ITPKA: variants seen among roughly 807,000 people sequenced by gnomAD.
ITPKA encodes IP3 3-kinase A.
A neutral mutation model predicts 40.7 loss-of-function variants in ITPKA; 16 were observed. The observed-to-expected ratio is 0.39, with a 90% CI of 0.27 to 0.60. ITPKA has a LOEUF of 0.60. Ranked by LOEUF, ITPKA falls within the 20% of genes least tolerant of loss-of-function variation. The pLI is 0.50. For missense variants in ITPKA, 540 were observed against 649.3 expected (o/e 0.83, Z 1.83); for synonymous variants, 313 against 289.9 (o/e 1.08, Z -0.81).
intron 1 of ITPKA, chr15:41,501,154 G>A (rs1446374953): frequency 2.3e-5 from 4 of 176,228 alleles, no homozygotes; most frequent in Non-Finnish European, 4.4e-5. Flanking sequence ...CCTCGACAGA[G>A]CATTTTCGTA....
chr15:41,500,640 A>G (rs567387787), intron 1 of ITPKA, among the ~76,000 whole-genome samples: 2 of 152,238 alleles, frequency 1.3e-5, no homozygotes, highest in East Asian at 1.9e-4. Context: ...TCCTCATTTT[A>G]TAGATCTTTT....
rs2051056692 is a variant in ITPKA, at chr15:41,494,553, G to T, written c.489+137G>T. The T allele has an allele frequency of 1.8e-6, 1 of 565,682 alleles. No individual in the cohort carries two copies. Among genetic ancestry groups the T allele is most frequent in the Non-Finnish European group, 2.8e-6 (1 of 356,598 alleles). The allele number at this position is 565,682 out of a possible 1,614,324, so 35.0% of individuals were successfully genotyped here. On this transcript the variant is annotated intron_variant, in intron 1 of 6. Transcript: ENST00000260386. The surrounding 1 kb of genome is among the most constrained non-coding windows in gnomAD (Gnocchi z 7.8). ...TGTTCTCGCGGTTTAGGAGGAATCT[G>T]GGGGTCAGAGGGAGGCGCCTGGCCG...
At position 41,502,769 on chromosome 15, in the gene ITPKA, C is replaced by T; in HGVS notation, c.1111-19C>T. The T allele has an allele frequency of 6.3e-7, 1 of 1,590,364 alleles. No individual in the cohort carries two copies. On this transcript the variant is annotated intron_variant, in intron 5 of 6. Coordinates refer to ENST00000260386, the MANE Select transcript of ITPKA (RefSeq NM_002220.3). ...GCGTTTAGTTAATTTGCCCTCCTCT[C>T]CCACCCCACCCTCTGCAGAGGCGGT...
At chr15:41,501,924 A>G in intron 3 of ITPKA, 73 bp downstream of exon 3, 1 of 1,582,564 alleles carries the variant, frequency 6.3e-7, no homozygotes, top group Non-Finnish European at 8.6e-7. Context: ...CTTGAGGGGG[A>G]CCCGGGGCGA....
chr15:41,501,430 C>T, intron 1 of ITPKA, 33 bp from the exon 2 acceptor site: 5 of 1,582,482 alleles, frequency 3.2e-6, no homozygotes, highest in Non-Finnish European at 4.3e-6. Flanking sequence ...TGCCGAGACG[C>T]CGATTATCAG....
chr15:41,498,156 A>AAAG (rs2051087028), intron 1 of ITPKA, among the ~76,000 whole-genome samples: 1 of 151,904 alleles, frequency 6.6e-6, no homozygotes, highest in African/African-American at 2.4e-5. Flanking sequence ...AATACAAAAA[A>AAAG]TCAACCAGGC....
chr15:41,502,118 G>A lies in ITPKA; in HGVS notation c.925G>A (p.Ala309Thr), dbSNP rs1318995469. ...APTEEEHAQR[A>T]VTKPRYMQWR... ...CACGGAGGAGGAGCACGCGCAGCGCGCCGTCACCAAGCCGCGCTACATGCA... is the reference window on the plus strand; with the variant it reads ...CACGGAGGAGGAGCACGCGCAGCGCACCGTCACCAAGCCGCGCTACATGCA... Residue 309 changes from alanine to threonine, a missense_variant, in exon 4 of 7, where the codon GCC (alanine) becomes ACC (threonine). Transcript: ENST00000260386. 6.2e-7 allele frequency: 1 copy of A among 1,610,956 alleles called. No individual in the cohort carries two copies. The highest frequency in any genetic ancestry group is 8.5e-7 in the Non-Finnish European group (1 of 1,179,164).
At position 41,502,384 on chromosome 15, in the gene ITPKA, C is replaced by T; in HGVS notation, c.1009-18C>T. 1 of 1,568,144 alleles carries T rather than the reference C, an allele frequency of 6.4e-7. No individual in the cohort carries two copies. Among genetic ancestry groups the T allele is most frequent in the Non-Finnish European group, 8.8e-7 (1 of 1,140,072 alleles). On this transcript the variant is annotated intron_variant, in intron 4 of 6. Coordinates refer to ENST00000260386, the MANE Select transcript of ITPKA (RefSeq NM_002220.3). ...ACTGGCGGGCCCGGGGCCCCTGACA[C>T]TCCTGTCCCACATCCAGAAAGCGGA...
intron 1 of ITPKA, among the ~76,000 whole-genome samples, chr15:41,495,428 G>C (rs997655480): frequency 2.6e-5 from 4 of 152,208 alleles, no homozygotes; most frequent in African/African-American, 4.8e-5. Context: ...GTGGCCGCGC[G>C]CCTGCTCCGC....
chr15:41,501,105 G>A (rs1357315171), intron 1 of ITPKA, among the ~76,000 whole-genome samples: 1 of 150,974 alleles, frequency 6.6e-6, no homozygotes, highest in Non-Finnish European at 1.5e-5. Context: ...TAACAAGGGT[G>A]ACCATCAGGT....
intron 1 of ITPKA, 21 bp from the exon 2 acceptor site, chr15:41,501,442 C>A: frequency 6.3e-7 from 1 of 1,595,966 alleles, no homozygotes; most frequent in East Asian, 2.3e-5. Context: ...GATTATCAGA[C>A]CTTGACCCTG....
At chr15:41,498,919 C>T (rs2051091802) in intron 1 of ITPKA, among the ~76,000 whole-genome samples, 1 of 152,170 alleles carries the variant, frequency 6.6e-6, no homozygotes, top group African/African-American at 2.4e-5. Context: ...GGGCTGATAG[C>T]TTCAGCCAGA....
At chr15:41,497,740 C>T (rs768070641) in intron 1 of ITPKA, among the ~76,000 whole-genome samples, 6 of 152,166 alleles carry the variant, frequency 3.9e-5, no homozygotes, top group Admixed American at 6.5e-5. Flanking sequence ...CTTTTGTAGG[C>T]TGGGAGCAGT....
chr15:41,493,953 G>A lies in ITPKA; in HGVS notation c.26G>A (p.Gly9Asp), dbSNP rs1595446812. The change falls in exon 1 of 7, where the codon GGC becomes GAC. Residue 9 changes from glycine (G) to aspartate (D), a missense_variant. Gly to Asp is a moderately conservative substitution (Grantham distance 94). Transcript: ENST00000260386. MTLPGGPT[G>D]MARPGGARPC... Reference sequence around the variant, plus strand: ...ATGACCCTGCCCGGGGGCCCAACGGGCATGGCGCGGCCGGGGGGCGCGAGG... The same window carrying A: ...ATGACCCTGCCCGGGGGCCCAACGGACATGGCGCGGCCGGGGGGCGCGAGG... 9.6e-7 allele frequency: 1 copy of A among 1,041,792 alleles called. No homozygotes were observed. 64.5% of individuals were successfully genotyped at this position (1,041,792 alleles called of 1,614,324 possible).
chr15:41,501,438 C>T (rs759850590), intron 1 of ITPKA, 25 bp from the exon 2 acceptor site: 3 of 1,592,174 alleles, frequency 1.9e-6, no homozygotes, highest in African/African-American at 2.7e-5. Context: ...CGCCGATTAT[C>T]AGACCTTGAC....
At chr15:41,497,353 C>T (rs995381614) in intron 1 of ITPKA, among the ~76,000 whole-genome samples, 4 of 152,086 alleles carry the variant, frequency 2.6e-5, no homozygotes, top group African/African-American at 4.8e-5. Context: ...CTCAGCCTCC[C>T]GAGTAGCTGG....
rs752327452 is a variant in ITPKA at position 41,502,095 on chromosome 15, C to G, written c.902C>G (p.Thr301Arg). 1 of 1,612,662 alleles carries G rather than the reference C, an allele frequency of 6.2e-7. No individual in the cohort carries two copies. The highest frequency in any genetic ancestry group is 8.5e-7 in the Non-Finnish European group (1 of 1,179,790). The change falls in exon 4 of 7, where the codon ACG becomes AGG. Residue 301 changes from threonine to arginine, a missense_variant. By Grantham distance (71) the Thr-to-Arg change is moderately conservative. Coordinates refer to ENST00000260386, the MANE Select transcript of ITPKA (RefSeq NM_002220.3). ...CTGGCGGTGGATCCTGAAGCTCCCACGGAGGAGGAGCACGCGCAGCGCGCC... is the reference window on the plus strand; with the variant it reads ...CTGGCGGTGGATCCTGAAGCTCCCAGGGAGGAGGAGCACGCGCAGCGCGCC... ...KMLAVDPEAP[T>R]EEEHAQRAVT...
At position 41,501,478 on chromosome 15, in the gene ITPKA, A is replaced by T; in HGVS notation, c.505A>T (p.Lys169Ter). 6.2e-7 allele frequency: 1 copy of T among 1,609,994 alleles called. No individual in the cohort carries two copies. Among genetic ancestry groups the T allele is most frequent in the Non-Finnish European group, 8.5e-7 (1 of 1,178,354 alleles). Reference protein sequence around the residue: ...EDVGQKNHWQKIRTMVNLPVI... With the variant: ...EDVGQKNHWQ ...TCGCTTTCAGAAAAACCACTGGCAG[A>T]AGATCCGGACCATGGTCAATCTGCC... The change falls in exon 2 of 7, where the codon AAG (lysine) becomes TAG (stop). Residue 169 changes from lysine (K) to a stop codon, truncating the protein, a stop_gained. Coordinates refer to ENST00000260386, the MANE Select transcript of ITPKA (RefSeq NM_002220.3). LOFTEE classifies it high-confidence loss of function.
intron 1 of ITPKA, 32 bp from the exon 2 acceptor site, chr15:41,501,415 TGCATTGCCGAGACGCC>T: frequency 6.4e-7 from 1 of 1,563,312 alleles, no homozygotes; most frequent in East Asian, 2.4e-5. Flanking sequence ...GGAGGGCTTA[TGCATTGCCGAGACGCC>T]GATTATCAGA....
Sources: allele counts gnomAD v4.1 joint callset (sites outside exome capture counted in the v4.1 genomes callset), GRCh38; gene constraint gnomAD v4.1.1; non-coding constraint Gnocchi (gnomAD v3.1); transcripts MANE v1.5; gene names NCBI Gene and HGNC (gene_info 2026-07-23, HGNC 2026-07-21).